Variants in LTBP1 observed in about 807,000 individuals in gnomAD.
LTBP1 encodes the protein latent-transforming growth factor beta-binding protein 1.
A neutral mutation model predicts 207.6 loss-of-function variants in LTBP1; 129 were observed. The ratio of observed to expected loss-of-function variants is 0.62; its 90% confidence interval spans 0.54 to 0.72. The LOEUF (loss-of-function observed/expected upper bound fraction) is 0.72, where lower values mean the gene tolerates loss of function less well. Ranked by LOEUF, LTBP1 falls within the 30% of genes least tolerant of loss-of-function variation. The pLI is 0.00. For synonymous variants in LTBP1, 963 were observed against 833.7 expected (o/e 1.16, Z -2.67); for missense variants, 2,281 against 2,217.2 (o/e 1.03, Z -0.58).
At chr2:33,202,568 T>C (rs1051012386) in intron 7 of LTBP1, among the ~76,000 whole-genome samples, 7 of 152,210 alleles carry the variant, frequency 4.6e-5, no homozygotes, top group Non-Finnish European at 7.3e-5. Context: ...ACAGAAGTAA[T>C]GCCAGAATTA....
At position 33,259,611 on chromosome 2, in the gene LTBP1, GTAAT is replaced by G; in HGVS notation, c.2418+3_2418+6del. On this transcript the variant is annotated splice_donor_variant and splice_donor_5th_base_variant and intron_variant, in intron 13 of 33. Transcript: ENST00000404816. LOFTEE classifies it high-confidence loss of function. ...AGTGGCAACTGCACCCCCTGAAAAG[GTAAT>G]TTATTCATTGCTTGCAAGTCTTTTT... The G allele has an allele frequency of 6.2e-7, 1 of 1,601,230 alleles. No homozygotes were observed. Among genetic ancestry groups the G allele is most frequent in the Non-Finnish European group, 8.5e-7 (1 of 1,174,302 alleles).
At chr2:33,313,517 T>G (rs1198989566) in intron 23 of LTBP1, among the ~76,000 whole-genome samples, 1 of 152,226 alleles carries the variant, frequency 6.6e-6, no homozygotes, top group Non-Finnish European at 1.5e-5. Flanking sequence ...ACCTTTTCCC[T>G]GTCCTTATTA....
chr2:33,292,943 C>T (rs76553275), intron 19 of LTBP1, among the ~76,000 whole-genome samples: 3,058 of 152,228 alleles, frequency 0.02, 44 homozygotes, highest in Middle Eastern at 0.11. Context: ...TATTTGGTTC[C>T]GAGTTACTTT....
At chr2:33,259,522 A>G in intron 12 of LTBP1, 66 bp from the exon 13 acceptor site, 1 of 1,131,728 alleles carries the variant, frequency 8.8e-7, no homozygotes, top group Non-Finnish European at 1.3e-6. Context: ...GTTTTTTAAG[A>G]ATTGAAATAT....
chr2:33,295,095 G>A (rs1023071544), intron 20 of LTBP1, among the ~76,000 whole-genome samples: 1 of 151,522 alleles, frequency 6.6e-6, no homozygotes, highest in Non-Finnish European at 1.5e-5. Context: ...TCCCTTTAGC[G>A]ATTCTCTGAA....
chr2:33,219,539 CT>C (rs922492154), intron 8 of LTBP1, among the ~76,000 whole-genome samples: 57 of 147,118 alleles, frequency 3.9e-4, no homozygotes, highest in Admixed American at 3.4e-4. Flanking sequence ...GCGTTGCCAT[CT>C]TTTTTTTTTT....
intron 2 of LTBP1, among the ~76,000 whole-genome samples, chr2:33,006,055 G>T (rs533647133): frequency 5.9e-5 from 9 of 151,880 alleles, no homozygotes; most frequent in African/African-American, 2.2e-4. Flanking sequence ...GTGAGCCAGT[G>T]ATGACAAATA....
intron 31 of LTBP1, among the ~76,000 whole-genome samples, chr2:33,382,073 T>G (rs1176157482): frequency 2.3e-5 from 3 of 131,380 alleles, no homozygotes; most frequent in African/African-American, 8.9e-5. Context: ...CCCTACTGCT[T>G]CTTTTTTTTT....
intron 5 of LTBP1, among the ~76,000 whole-genome samples, chr2:33,178,479 C>T (rs751357406): frequency 3.3e-5 from 5 of 152,132 alleles, no homozygotes; most frequent in Non-Finnish European, 7.4e-5. Flanking sequence ...GGGTTATAAA[C>T]AGAACATGTT....
At chr2:33,198,261 G>A (rs1448610491) in intron 7 of LTBP1, among the ~76,000 whole-genome samples, 2 of 152,022 alleles carry the variant, frequency 1.3e-5, no homozygotes, top group African/African-American at 4.8e-5. Flanking sequence ...CTTGATCATG[G>A]TGGATAAGCT....
At chr2:33,241,905 A>G (rs78154276) in intron 9 of LTBP1, among the ~76,000 whole-genome samples, 6,782 of 152,264 alleles carry the variant, frequency 0.045, 514 homozygotes, top group African/African-American at 0.15. Context: ...ATAAAAGTGC[A>G]TTACAGAACA....
At chr2:33,039,786 C>A (rs2076096411) in intron 3 of LTBP1, among the ~76,000 whole-genome samples, 1 of 152,218 alleles carries the variant, frequency 6.6e-6, no homozygotes, top group South Asian at 2.1e-4. Flanking sequence ...AATTTGATAA[C>A]CATCAGTTTA....
chr2:33,175,719 G>T (rs1558756270), intron 5 of LTBP1, among the ~76,000 whole-genome samples: 2 of 152,048 alleles, frequency 1.3e-5, no homozygotes, highest in East Asian at 1.9e-4. Context: ...GTTTATTGCG[G>T]CACTATTCAC....
intron 15 of LTBP1, among the ~76,000 whole-genome samples, chr2:33,266,382 G>C (rs1318506424): frequency 2.0e-5 from 3 of 152,168 alleles, no homozygotes; most frequent in African/African-American, 7.2e-5. Flanking sequence ...ACAACATGTT[G>C]ATGGAGGGAG....
At chr2:33,097,699 G>T (rs536827260) in intron 3 of LTBP1, among the ~76,000 whole-genome samples, 1 of 152,130 alleles carries the variant, frequency 6.6e-6, no homozygotes, top group East Asian at 1.9e-4. Context: ...CTTTTTTAGT[G>T]CTTAATAAAC....
At chr2:33,007,502 A>C (rs377387159) in intron 2 of LTBP1, among the ~76,000 whole-genome samples, 1 of 152,368 alleles carries the variant, frequency 6.6e-6, no homozygotes, top group East Asian at 1.9e-4. Flanking sequence ...GAGAACACTC[A>C]CGTAGCATTT....
chr2:33,281,789 AC>A (rs2093563800), intron 19 of LTBP1, among the ~76,000 whole-genome samples: 1 of 152,124 alleles, frequency 6.6e-6, no homozygotes, highest in Non-Finnish European at 1.5e-5. Flanking sequence ...ACTGGTGCTG[AC>A]CAAAAAGTAT....
At chr2:33,373,755 G>C (rs2150251118) in intron 31 of LTBP1, among the ~76,000 whole-genome samples, 1 of 152,034 alleles carries the variant, frequency 6.6e-6, no homozygotes, top group Non-Finnish European at 1.5e-5. Flanking sequence ...ATTATTTATT[G>C]AATGCCTACT....
intron 3 of LTBP1, among the ~76,000 whole-genome samples, chr2:33,103,480 C>T (rs1206063060): frequency 2.6e-5 from 4 of 152,032 alleles, no homozygotes; most frequent in Non-Finnish European, 4.4e-5. Flanking sequence ...CATGTGCTTC[C>T]CTTTAGTCTC....
Sources: gnomAD v4.1 joint callset for allele counts (sites outside exome capture counted in the v4.1 genomes callset) on GRCh38, gnomAD v4.1.1 for gene constraint, MANE v1.5 for transcripts, NCBI Gene and HGNC (gene_info 2026-07-23, HGNC 2026-07-21) for gene names.